Variants in CFHR5 observed in about 807,000 individuals in gnomAD.
CFHR5 encodes the protein complement factor H-related protein 5.
Under a neutral mutation model 62.9 loss-of-function variants are expected in CFHR5, and 73 were observed. The observed-to-expected ratio is 1.16, with a 90% CI of 0.96 to 1.41. The LOEUF is 1.41. Ranked by LOEUF, CFHR5 falls within the 40% of genes most tolerant of loss-of-function variation. CFHR5 has a pLI of 0.00. For synonymous variants in CFHR5, 249 were observed against 227.2 expected (o/e 1.10, Z -0.86); for missense variants, 779 against 679.9 (o/e 1.15, Z -1.62).
chr1:196,993,958 G>A lies in CFHR5; in HGVS notation c.431-122G>A, dbSNP rs577488520. Reference sequence around the variant, plus strand: ...AAATAATTAGTCTATATGTTTTCTCGAAGGCAAGAATATATTTTATACTCT... The same window carrying A: ...AAATAATTAGTCTATATGTTTTCTCAAAGGCAAGAATATATTTTATACTCT... On this transcript the variant is annotated intron_variant, in intron 3 of 9. Coordinates refer to ENST00000256785, the MANE Select transcript of CFHR5 (RefSeq NM_030787.4). 112 of 768,942 alleles carry A rather than the reference G, an allele frequency of 1.5e-4. No homozygotes were observed. The African/African-American group carries it at 1.6e-3, about 11-fold the overall frequency. The allele number at this position is 768,942 out of a possible 1,614,324, so 47.6% of individuals were successfully genotyped here. A position where few individuals can be genotyped will look rare whatever the true frequency, so the allele number is the denominator to read the frequency against.
upstream of CFHR5, among the ~76,000 whole-genome samples, chr1:196,976,873 C>T (rs1571507639): frequency 6.9e-6 from 1 of 144,932 alleles, no homozygotes; most frequent in Admixed American, 7.0e-5. Context: ...GGCGCGATCT[C>T]CACTCACGGC....
intron 4 of CFHR5, among the ~76,000 whole-genome samples, chr1:196,995,270 T>G (rs1184394664): frequency 1.3e-5 from 2 of 152,052 alleles, no homozygotes; most frequent in Non-Finnish European, 2.9e-5. Flanking sequence ...TGTTTAAATA[T>G]AGAGAGGATA....
rs753285642 is a variant in CFHR5, at chr1:196,977,581, T to G, written c.-84T>G. ...AGTACATTGAAATTCAAAGTCATGC[T>G]TGTAACTGTTAATGAAAGCAGATTT... On this transcript the variant is annotated 5_prime_UTR_variant, in exon 1 of 10. Transcript: ENST00000256785. 9 of 1,096,030 alleles carry G rather than the reference T, an allele frequency of 8.2e-6. No individual in the cohort carries two copies. Among genetic ancestry groups the G allele is most frequent in the Non-Finnish European group, 8.5e-6 (6 of 708,174 alleles). The allele number at this position is 1,096,030 out of a possible 1,614,324, so 67.9% of individuals were successfully genotyped here. A position where few individuals can be genotyped will look rare whatever the true frequency, so the allele number is the denominator to read the frequency against.
chr1:196,988,581 C>G (rs530154069), intron 3 of CFHR5, among the ~76,000 whole-genome samples: 12 of 152,086 alleles, frequency 7.9e-5, no homozygotes, highest in South Asian at 2.1e-4. Context: ...TAGCATGAAG[C>G]GCTGTTGAAT....
Position 196,978,160 on chromosome 1 carries a change from G to A in CFHR5, c.58+438G>A, listed in dbSNP as rs71631876. On this transcript the variant is annotated intron_variant, in intron 1 of 9. Transcript: ENST00000256785. Reference sequence around the variant, plus strand: ...ACATTTTAAATGTTATTAAAATGAAGGAATTCTCATTTCAGCCTAATTATC... The same window carrying A: ...ACATTTTAAATGTTATTAAAATGAAAGAATTCTCATTTCAGCCTAATTATC... 4.6e-5 allele frequency among the ~76,000 whole-genome samples: 7 copies of A among 151,930 alleles called. No homozygotes were observed. In the East Asian group the frequency reaches 1.2e-3, roughly 25 times the overall value.
rs192415443 is a variant in CFHR5 at position 196,981,673 on chromosome 1, G to T, written c.59-1212G>T. On this transcript the variant is annotated intron_variant, in intron 1 of 9. Coordinates refer to ENST00000256785, the MANE Select transcript of CFHR5 (RefSeq NM_030787.4). ...GTATCATTAGTATCCTTAAGGAATT[G>T]TTCCAGGACTCTTTTCACCCCCAGC... 5.5e-3 allele frequency among the ~76,000 whole-genome samples: 832 copies of T among 151,958 alleles called. 7 individuals carry two copies. The highest frequency in any genetic ancestry group is 0.018 in the African/African-American group (747 of 41,446).
chr1:196,981,099 T>C (rs1653531117), intron 1 of CFHR5, among the ~76,000 whole-genome samples: 1 of 152,180 alleles, frequency 6.6e-6, no homozygotes, highest in African/African-American at 2.4e-5. Context: ...CAACATTAAA[T>C]ATTACTTCTA....
intron 9 of CFHR5, among the ~76,000 whole-genome samples, chr1:197,008,203 T>A (rs1027897890): frequency 2.6e-5 from 4 of 151,328 alleles, no homozygotes; most frequent in South Asian, 2.1e-4. Context: ...AATTAAGAGC[T>A]CAGGTTCTGA....
At chr1:196,975,337 T>A (rs897187344), upstream of CFHR5, among the ~76,000 whole-genome samples, 1 of 152,222 alleles carries the variant, frequency 6.6e-6, no homozygotes, top group East Asian at 1.9e-4. Context: ...AGATTTGGGT[T>A]CTATGAACAA....
intron 6 of CFHR5, among the ~76,000 whole-genome samples, chr1:196,997,120 G>A (rs954358008): frequency 3.3e-5 from 5 of 152,016 alleles, no homozygotes; most frequent in Non-Finnish European, 7.4e-5. Context: ...AAACAGAACC[G>A]CCTCTCTCTC....
intron 7 of CFHR5, among the ~76,000 whole-genome samples, chr1:196,999,101 C>CATATAAAATACACATTAATG (rs1654065976): frequency 2.0e-5 from 3 of 151,706 alleles, no homozygotes; most frequent in African/African-American, 4.8e-5. Context: ...TGAAAGAAAT[C>CATATAAAATACACATTAATG]ATATAAAATA....
intron 7 of CFHR5, among the ~76,000 whole-genome samples, chr1:196,999,193 TCTTAAA>T (rs1343050675): frequency 3.3e-5 from 5 of 152,084 alleles, no homozygotes; most frequent in South Asian, 4.1e-4. Flanking sequence ...TGGAATATAT[TCTTAAA>T]CTTAAATACA....
At chr1:196,975,828 G>T (rs1653384213), upstream of CFHR5, among the ~76,000 whole-genome samples, 1 of 152,278 alleles carries the variant, frequency 6.6e-6, no homozygotes, top group South Asian at 2.1e-4. Context: ...GGCAGGTAGA[G>T]AATTTATTTG....
rs60382421 is a variant in CFHR5, at chr1:196,999,722, TACACACACAC to T, written c.1147+1422_1147+1431del. Among the ~76,000 whole-genome samples the T allele has an allele frequency of 8.6e-3, 987 of 114,666 alleles. 8 individuals are homozygous for T. Among genetic ancestry groups the T allele is most frequent in the East Asian group, 0.042 (102 of 2,404 alleles). 75.2% of individuals were successfully genotyped at this position (114,666 alleles called of 152,430 possible). ...ATATATATATATATATATATATATA[TACACACACAC>T]ACATATATATACACACACATATGTA... On this transcript the variant is annotated intron_variant, in intron 7 of 9. Transcript: ENST00000256785.
In CFHR5 at chr1:197,002,662, T is replaced by C; in HGVS notation, c.1328T>C (p.Val443Ala). The change falls in exon 8 of 10, where the codon GTT becomes GCT. Residue 443 changes from valine (V) to alanine (A), a missense_variant and splice_region_variant. Physicochemically the swap from Val to Ala is moderately conservative, Grantham distance 64. Coordinates refer to ENST00000256785, the MANE Select transcript of CFHR5 (RefSeq NM_030787.4). The part of the protein sequence containing the change: ...DGRWQSLPRC[V>A]ESTAYCGPPP... ...CGATGGCAATCATTACCACGCTGTG[T>C]TGGTTAGTAGTTTATTTCTAAGTAA... The C allele has an allele frequency of 6.2e-7, 1 of 1,611,506 alleles. No individual in the cohort carries two copies. The highest frequency in any genetic ancestry group is 1.1e-5 in the South Asian group (1 of 91,020).
chr1:196,995,105 C>A (rs750899361), intron 4 of CFHR5, among the ~76,000 whole-genome samples: 2 of 152,080 alleles, frequency 1.3e-5, no homozygotes, highest in Non-Finnish European at 2.9e-5. Context: ...TATAACTATA[C>A]ATTGCATATG....
chr1:196,992,311 C>G (rs1197501587), intron 3 of CFHR5, among the ~76,000 whole-genome samples: 4 of 151,058 alleles, frequency 2.6e-5, no homozygotes. Context: ...CAGTCTGTCA[C>G]GGGTTTCCTT....
intron 6 of CFHR5, among the ~76,000 whole-genome samples, chr1:196,997,076 C>T (rs1654011608): frequency 6.6e-6 from 1 of 152,074 alleles, no homozygotes; most frequent in Non-Finnish European, 1.5e-5. Flanking sequence ...GACAAGCAGA[C>T]TTTCCGCCGC....
intron 1 of CFHR5, among the ~76,000 whole-genome samples, chr1:196,981,226 T>C (rs560494109): frequency 5.9e-5 from 9 of 152,256 alleles, no homozygotes; most frequent in Middle Eastern, 6.8e-3. Context: ...TCAGGAAATA[T>C]CTTGAGCTAA....
Sources: allele counts gnomAD v4.1 joint callset (sites outside exome capture counted in the v4.1 genomes callset), GRCh38; gene constraint gnomAD v4.1.1; transcripts MANE v1.5; gene names NCBI Gene and HGNC (gene_info 2026-07-23, HGNC 2026-07-21).